The following CNTNAP2 variants were observed in gnomAD, a reference collection of about 807,000 sequenced individuals.
CNTNAP2 encodes contactin associated protein 2, also known as contactin-associated protein-like 2.
In CNTNAP2, 98 loss-of-function variants were observed where a neutral mutation model predicts 155.2. The ratio of observed to expected loss-of-function variants is 0.63; its 90% CI spans 0.54 to 0.75. CNTNAP2 has a LOEUF of 0.75. Ranked by LOEUF, CNTNAP2 falls within the 30% of genes least tolerant of loss-of-function variation. CNTNAP2 has a pLI of 0.00. For synonymous variants in CNTNAP2, 651 were observed against 631.2 expected, an observed-to-expected ratio of 1.03 and a Z score of -0.47; for missense variants, 1,727 against 1,688.1, an observed-to-expected ratio of 1.02 and a Z score of -0.40.
Position 147,964,246 on chromosome 7 carries a change from C to G in CNTNAP2, c.2256-13616C>G, listed in dbSNP as rs546893067. On this transcript the variant is annotated intron_variant, in intron 14 of 23. Coordinates refer to ENST00000361727, the MANE Select transcript of CNTNAP2 (RefSeq NM_014141.6). ...AAACCAACTCTACCAACATGTTGAT[C>G]TTGGACTTCAAGCTTTCAAAACTAC... Among the ~76,000 whole-genome samples the G allele has an allele frequency of 2.0e-5, 3 of 152,262 alleles. No individual in the cohort carries two copies. The East Asian group carries it at 5.8e-4, about 29-fold the overall frequency.
At chr7:146,977,129 C>T (rs746971890) in intron 3 of CNTNAP2, among the ~76,000 whole-genome samples, 1 of 152,062 alleles carries the variant, frequency 6.6e-6, no homozygotes, top group African/African-American at 2.4e-5. Flanking sequence ...AATGAAAATA[C>T]ATATATAAAA....
intron 4 of CNTNAP2, among the ~76,000 whole-genome samples, chr7:147,083,544 A>ATATG (rs1160502034): frequency 2.3e-5 from 3 of 129,368 alleles, no homozygotes; most frequent in East Asian, 2.1e-4. Context: ...ATACATATAT[A>ATATG]TATATGTATA....
intron 8 of CNTNAP2, among the ~76,000 whole-genome samples, chr7:147,197,933 T>G (rs972653277): frequency 6.6e-6 from 1 of 152,116 alleles, no homozygotes; most frequent in African/African-American, 2.4e-5. Flanking sequence ...TGCAGAAAGT[T>G]TTTACTAAGA....
intron 13 of CNTNAP2, among the ~76,000 whole-genome samples, chr7:147,772,458 ATATAT>A (rs1797487856): frequency 1.3e-5 from 1 of 79,502 alleles, no homozygotes; most frequent in South Asian, 3.7e-4. Flanking sequence ...ATATATATAT[ATATAT>A]ATATATATAT....
intron 5 of CNTNAP2, among the ~76,000 whole-genome samples, chr7:147,117,228 G>A (rs1022443228): frequency 1.3e-5 from 2 of 152,094 alleles, no homozygotes; most frequent in African/African-American, 4.8e-5. Flanking sequence ...GTGCATGATT[G>A]AGCAGTTGTT....
chr7:148,325,971 A>C (rs1797878336), intron 21 of CNTNAP2, among the ~76,000 whole-genome samples: 1 of 152,106 alleles, frequency 6.6e-6, no homozygotes, highest in Non-Finnish European at 1.5e-5. Context: ...CCCAGGTGAA[A>C]TACCCTCCAG....
At chr7:147,809,601 C>T (rs146636260) in intron 13 of CNTNAP2, among the ~76,000 whole-genome samples, 62 of 152,310 alleles carry the variant, frequency 4.1e-4, no homozygotes, top group Middle Eastern at 3.4e-3. Context: ...TTGTCTTCCA[C>T]CTTCTCCTAG....
intron 3 of CNTNAP2, among the ~76,000 whole-genome samples, chr7:146,901,081 G>T (rs1468788371): frequency 6.6e-6 from 1 of 151,704 alleles, no homozygotes; most frequent in Admixed American, 6.6e-5. Context: ...CTGGACCTAA[G>T]ATGTCAACAC....
intron 1 of CNTNAP2, among the ~76,000 whole-genome samples, chr7:146,437,740 A>T (rs1396166601): frequency 6.6e-6 from 1 of 151,638 alleles, no homozygotes; most frequent in Non-Finnish European, 1.5e-5. Context: ...ATGCCTGCTA[A>T]ACATTCCATT....
At chr7:147,015,840 G>A (rs1563044664) in intron 3 of CNTNAP2, among the ~76,000 whole-genome samples, 1 of 151,868 alleles carries the variant, frequency 6.6e-6, no homozygotes. Flanking sequence ...CCTACACATT[G>A]GCACATGGCT....
intron 11 of CNTNAP2, among the ~76,000 whole-genome samples, chr7:147,523,521 T>C (rs186918383): frequency 3.3e-4 from 50 of 152,326 alleles, no homozygotes; most frequent in African/African-American, 1.2e-3. Context: ...CTTTCCTACA[T>C]ATCCTTCTTT....
intron 5 of CNTNAP2, among the ~76,000 whole-genome samples, chr7:147,109,300 G>T (rs1303496516): frequency 6.6e-6 from 1 of 152,110 alleles, no homozygotes; most frequent in African/African-American, 2.4e-5. Context: ...ACTTATGATG[G>T]GTTGGATATA....
intron 8 of CNTNAP2, among the ~76,000 whole-genome samples, chr7:147,232,784 T>A (rs1357136383): frequency 9.9e-6 from 1 of 100,604 alleles, no homozygotes; most frequent in African/African-American, 4.6e-5. Flanking sequence ...ATGACTTTTT[T>A]AAAAGCGTTT....
At chr7:148,122,617 C>T (rs1722708177) in intron 16 of CNTNAP2, among the ~76,000 whole-genome samples, 1 of 152,120 alleles carries the variant, frequency 6.6e-6, no homozygotes, top group Non-Finnish European at 1.5e-5. Context: ...TCTGACTCAA[C>T]ATGACCCTGA....
At chr7:146,309,579 A>C (rs1800783004) in intron 1 of CNTNAP2, among the ~76,000 whole-genome samples, 1 of 152,082 alleles carries the variant, frequency 6.6e-6, no homozygotes, top group African/African-American at 2.4e-5. Flanking sequence ...AGGCAGGTGG[A>C]TCACCTAAGG....
intron 8 of CNTNAP2, among the ~76,000 whole-genome samples, chr7:147,201,248 G>A (rs1802915964): frequency 6.6e-6 from 1 of 152,094 alleles, no homozygotes; most frequent in South Asian, 2.1e-4. Context: ...ATTCCTTTTA[G>A]GAAATACTGA....
chr7:146,967,723 G>T (rs1186488992), intron 3 of CNTNAP2, among the ~76,000 whole-genome samples: 2 of 152,128 alleles, frequency 1.3e-5, no homozygotes, highest in Non-Finnish European at 2.9e-5. Flanking sequence ...AGACAATGGG[G>T]TTTTCTAGAT....
intron 1 of CNTNAP2, among the ~76,000 whole-genome samples, chr7:146,391,026 C>T (rs550736274): frequency 7.0e-6 from 1 of 142,352 alleles, no homozygotes; most frequent in South Asian, 2.2e-4. Context: ...GAGATCGCGC[C>T]ACTGCACTCC....
At chr7:147,913,528 C>G (rs1008011928) in intron 14 of CNTNAP2, among the ~76,000 whole-genome samples, 2 of 151,746 alleles carry the variant, frequency 1.3e-5, no homozygotes, top group Non-Finnish European at 2.9e-5. Context: ...ACAGGCAGTT[C>G]AATGAAGGAA....
Sources: gnomAD v4.1 joint callset for allele counts (sites outside exome capture counted in the v4.1 genomes callset) on GRCh38, gnomAD v4.1.1 for gene constraint, MANE v1.5 for transcripts, NCBI Gene and HGNC (gene_info 2026-07-23, HGNC 2026-07-21) for gene names.